Variants in FARP1 observed in about 807,000 individuals in gnomAD.
FARP1 encodes the protein FERM, ARHGEF and pleckstrin domain-containing protein 1.
A neutral mutation model predicts 128.8 loss-of-function variants in FARP1; 52 were observed. The observed-to-expected ratio is 0.40, with a 90% CI of 0.32 to 0.51. The LOEUF (loss-of-function observed/expected upper bound fraction) is 0.51. Among genes scored for constraint, FARP1 ranks in the 20% least tolerant of loss-of-function variants. The pLI, the probability that FARP1 is intolerant of heterozygous loss-of-function variation, is 0.45. For missense variants in FARP1, 1,333 were observed against 1,367.9 expected, an observed-to-expected ratio of 0.97 and a Z score of 0.40; for synonymous variants, 580 against 551.8, an observed-to-expected ratio of 1.05 and a Z score of -0.72.
chr13:98,390,235 G>A, intron 10 of FARP1, 115 bp downstream of exon 10: 1 of 1,161,386 alleles, frequency 8.6e-7, no homozygotes, highest in Non-Finnish European at 1.2e-6. Flanking sequence ...GCCTCCAGGA[G>A]CTATGGCCAA....
chr13:98,151,810 C>T (rs1198630236), intron 1 of FARP1, among the ~76,000 whole-genome samples: 20 of 151,616 alleles, frequency 1.3e-4, no homozygotes, highest in Non-Finnish European at 8.8e-5. Context: ...TACAGGTGCA[C>T]GCCACCACGC....
chr13:98,358,753 A>G (rs112326165), intron 3 of FARP1, among the ~76,000 whole-genome samples: 1,710 of 152,040 alleles, frequency 0.011, 22 homozygotes, highest in African/African-American at 0.039. Flanking sequence ...CTCCTGCCTC[A>G]GCCTCTCGAG....
At position 98,452,248 on chromosome 13, in the gene FARP1, A is replaced by G. The variant is rs1893235143; in HGVS notation, c.*3931A>G. 2 of 152,312 alleles carry G rather than the reference A, an allele frequency of 1.3e-5. No homozygotes were observed. The highest frequency in any genetic ancestry group is 6.5e-5 in the Admixed American group (1 of 15,286). 9.4% of individuals were successfully genotyped at this position (152,312 alleles called of 1,614,324 possible). On this transcript the variant is annotated 3_prime_UTR_variant, in exon 27 of 27. Coordinates refer to ENST00000319562, the MANE Select transcript of FARP1 (RefSeq NM_005766.4). ...CAGAATCCACTACAAGGTGCAACAG[A>G]AAATCGTATTGGAAAGGACGGTACA...
In FARP1 at chr13:98,431,248, C is replaced by T. The variant is rs770924989; in HGVS notation, c.2111C>T (p.Pro704Leu). ...CTGGAGCGGCTGTGCAAACACCACC[C>T]GCCGAGCCACGCCGACTTCAGGGAC... Reference protein sequence around the residue: ...QVLERLCKHHPPSHADFRDCR... With the variant: ...QVLERLCKHHLPSHADFRDCR... Residue 704 changes from proline (P) to leucine (L), a missense_variant, in exon 18 of 27, where the codon CCG (proline) becomes CTG (leucine). Coordinates refer to ENST00000319562, the MANE Select transcript of FARP1 (RefSeq NM_005766.4). 17 of 1,578,664 alleles carry T rather than the reference C, an allele frequency of 1.1e-5. No individual in the cohort carries two copies. Among genetic ancestry groups the T allele is most frequent in the South Asian group, 4.6e-5 (4 of 86,902 alleles).
intron 2 of FARP1, among the ~76,000 whole-genome samples, chr13:98,308,475 C>T (rs1404545588): frequency 6.6e-6 from 1 of 152,090 alleles, no homozygotes; most frequent in Non-Finnish European, 1.5e-5. Flanking sequence ...AAGATGAGGT[C>T]AGAGGCTGGA....
chr13:98,187,124 T>G (rs1336987435), intron 1 of FARP1, among the ~76,000 whole-genome samples: 1 of 152,140 alleles, frequency 6.6e-6, no homozygotes, highest in Non-Finnish European at 1.5e-5. Flanking sequence ...AATTCTATAT[T>G]TAATTTTTTG....
chr13:98,364,655 G>GA (rs1278498714), intron 3 of FARP1, among the ~76,000 whole-genome samples: 2 of 152,106 alleles, frequency 1.3e-5, no homozygotes, highest in Non-Finnish European at 2.9e-5. Flanking sequence ...GGAGTTTAAA[G>GA]AAAAAAACAC....
At chr13:98,415,837 C>T (rs1361750911) in intron 16 of FARP1, among the ~76,000 whole-genome samples, 1 of 152,242 alleles carries the variant, frequency 6.6e-6, no homozygotes, top group Non-Finnish European at 1.5e-5. Context: ...TGGCTCCTGT[C>T]GATTGGGATG....
chr13:98,421,356 C>T (rs1244359151), intron 16 of FARP1, among the ~76,000 whole-genome samples: 2 of 152,174 alleles, frequency 1.3e-5, no homozygotes, highest in Non-Finnish European at 2.9e-5. Context: ...CTTCCCAGCC[C>T]TTCATTTTCT....
intron 1 of FARP1, among the ~76,000 whole-genome samples, chr13:98,202,145 T>A (rs999513268): frequency 1.3e-5 from 2 of 152,202 alleles, no homozygotes; most frequent in African/African-American, 4.8e-5. Context: ...TTCTAGTTTA[T>A]CTCCACCCCA....
chr13:98,150,932 T>C (rs1875951900), intron 1 of FARP1, among the ~76,000 whole-genome samples: 1 of 151,986 alleles, frequency 6.6e-6, no homozygotes, highest in East Asian at 1.9e-4. Flanking sequence ...ATGGGTGCCT[T>C]GGGCAAAAGC....
chr13:98,438,345 T>C (rs1274301695), intron 19 of FARP1, among the ~76,000 whole-genome samples: 1 of 152,130 alleles, frequency 6.6e-6, no homozygotes, highest in Non-Finnish European at 1.5e-5. Flanking sequence ...CTGCCACTTT[T>C]TATAGCCTCT....
Position 98,445,843 on chromosome 13 carries a change from G to A in FARP1, c.2797-255G>A, listed in dbSNP as rs968402536. 13 of 404,364 alleles carry A rather than the reference G, an allele frequency of 3.2e-5. No homozygotes were observed. In the East Asian group the frequency reaches 6.0e-4, roughly 19 times the overall value. The allele number at this position is 404,364 out of a possible 1,614,324, so 25.0% of individuals were successfully genotyped here. On this transcript the variant is annotated intron_variant, in intron 24 of 26. Transcript: ENST00000319562. ...AAGCCTGTGTTCTAAGGTACTGGTA[G>A]TCAGGACCTCAACGTGTCTTTTGGG...
chr13:98,454,014 A>T lies in FARP1; in HGVS notation c.*5697A>T, dbSNP rs536109236. ...TCCTTTGAGCCCCATGCTGGCGCTCAAAAGTTTCAGATTGGGGATTTGGGA... is the reference window on the plus strand; with the variant it reads ...TCCTTTGAGCCCCATGCTGGCGCTCTAAAGTTTCAGATTGGGGATTTGGGA... On this transcript the variant is annotated 3_prime_UTR_variant, in exon 27 of 27. Coordinates refer to ENST00000319562, the MANE Select transcript of FARP1 (RefSeq NM_005766.4). 2.0e-5 allele frequency: 3 copies of T among 152,318 alleles called. No individual in the cohort carries two copies. Among genetic ancestry groups the T allele is most frequent in the Middle Eastern group, 3.4e-3 (1 of 294 alleles). 9.4% of individuals were successfully genotyped at this position (152,318 alleles called of 1,614,324 possible). A position where few individuals can be genotyped will look rare whatever the true frequency, so the allele number is the denominator to read the frequency against.
chr13:98,206,202 T>C (rs1429193241), intron 1 of FARP1, among the ~76,000 whole-genome samples: 1 of 151,256 alleles, frequency 6.6e-6, no homozygotes, highest in African/African-American at 2.4e-5. Context: ...TGTGTGTGTG[T>C]GTGTGTGTGT....
chr13:98,315,767 T>C (rs954064005), intron 2 of FARP1, among the ~76,000 whole-genome samples: 4 of 152,232 alleles, frequency 2.6e-5, no homozygotes, highest in Admixed American at 2.0e-4. Context: ...GACTTCAGAA[T>C]TCACTGGTGG....
At chr13:98,445,470 T>TG (rs1892768692) in intron 24 of FARP1, 1 of 152,172 alleles carries the variant, frequency 6.6e-6, no homozygotes, top group Admixed American at 6.5e-5. Flanking sequence ...GGGCCGGCCC[T>TG]GAGCCTGGAG....
In FARP1 at chr13:98,246,064, A is replaced by C. The variant is rs1372942136; in HGVS notation, c.171+32651A>C. On this transcript the variant is annotated intron_variant, in intron 2 of 26. Coordinates refer to ENST00000319562, the MANE Select transcript of FARP1 (RefSeq NM_005766.4). ...AGTGTTGGGATTACAGGTGTGAGCC[A>C]CTGCGCCCGGCCGAGATAAATTCTT... 5.5e-4 allele frequency among the ~76,000 whole-genome samples: 78 copies of C among 141,634 alleles called. 1 individual carries two copies. The highest frequency in any genetic ancestry group is 1.9e-3 in the African/African-American group (71 of 38,114). The allele number at this position is 141,634 out of a possible 152,430, so 92.9% of individuals were successfully genotyped here.
intron 13 of FARP1, chr13:98,403,274 G>C (rs1174629549): frequency 6.6e-6 from 1 of 152,230 alleles, no homozygotes; most frequent in Admixed American, 6.5e-5. Context: ...TTCCAACAAG[G>C]CTTGCACTTT....
Sources: gnomAD v4.1 joint callset for allele counts (sites outside exome capture counted in the v4.1 genomes callset) on GRCh38, gnomAD v4.1.1 for gene constraint, MANE v1.5 for transcripts, NCBI Gene and HGNC (gene_info 2026-07-23, HGNC 2026-07-21) for gene names.